Variants in VOPP1 observed in about 807,000 individuals in gnomAD.
VOPP1 encodes WW domain binding protein VOPP1.
Under a neutral mutation model 23.5 loss-of-function variants are expected in VOPP1, and 8 were observed. That is an observed-to-expected ratio of 0.34 (90% CI 0.20 to 0.61). The LOEUF (loss-of-function observed/expected upper bound fraction) is 0.61, where lower values mean the gene tolerates loss of function less well. Ranked by LOEUF, VOPP1 falls within the 20% of genes least tolerant of loss-of-function variation. The pLI is 0.78. For synonymous variants in VOPP1, 83 were observed against 97.3 expected, an observed-to-expected ratio of 0.85 and a Z score of 0.86; for missense variants, 174 against 238.1, an observed-to-expected ratio of 0.73 and a Z score of 1.77.
At chr7:55,456,015 CAACCTACAG>C (rs1188243368) in intron 4 of VOPP1, among the ~76,000 whole-genome samples, 1 of 152,104 alleles carries the variant, frequency 6.6e-6, no homozygotes, top group African/African-American at 2.4e-5. Flanking sequence ...AGTGAACAGG[CAACCTACAG>C]AACGGGAGAA....
chr7:55,474,083 A>T (rs973683103), intron 4 of VOPP1, among the ~76,000 whole-genome samples: 16 of 152,220 alleles, frequency 1.1e-4, no homozygotes, highest in Non-Finnish European at 2.4e-4. Flanking sequence ...CCAGGCCTGC[A>T]CTGTCTCTCA....
At chr7:55,466,486 G>A (rs960210043), downstream of VOPP1, among the ~76,000 whole-genome samples, 6 of 152,186 alleles carry the variant, frequency 3.9e-5, no homozygotes, top group African/African-American at 1.4e-4. Flanking sequence ...GAGCCACAAT[G>A]TGGGCAGAGG....
chr7:55,489,161 T>C (rs1793371309), intron 4 of VOPP1, among the ~76,000 whole-genome samples: 1 of 152,230 alleles, frequency 6.6e-6, no homozygotes, highest in African/African-American at 2.4e-5. Context: ...CTCAGCACTG[T>C]TAACAAATGA....
At chr7:55,485,839 C>T (rs1446762318) in intron 4 of VOPP1, among the ~76,000 whole-genome samples, 1 of 152,220 alleles carries the variant, frequency 6.6e-6, no homozygotes, top group Non-Finnish European at 1.5e-5. Flanking sequence ...CCTCATCCGC[C>T]CCTCGGAAGG....
At chr7:55,449,845 C>T (rs1791199760) in intron 4 of VOPP1, among the ~76,000 whole-genome samples, 1 of 152,192 alleles carries the variant, frequency 6.6e-6, no homozygotes, top group African/African-American at 2.4e-5. Flanking sequence ...CCCCTCAACA[C>T]GCCTACTTCT....
chr7:55,459,816 C>T (rs780825859), intron 4 of VOPP1, among the ~76,000 whole-genome samples: 17 of 151,612 alleles, frequency 1.1e-4, no homozygotes, highest in African/African-American at 2.4e-4. Context: ...TTTTAAAACA[C>T]GCACTTTTTG....
chr7:55,550,844 T>A (rs2129053612), intron 1 of VOPP1, among the ~76,000 whole-genome samples: 1 of 152,336 alleles, frequency 6.6e-6, no homozygotes, highest in Middle Eastern at 3.4e-3. Context: ...TTTTTCTACT[T>A]TCCAATTATT....
intron 4 of VOPP1, among the ~76,000 whole-genome samples, chr7:55,488,579 T>G (rs1029754192): frequency 1.3e-5 from 2 of 152,134 alleles, no homozygotes; most frequent in African/African-American, 4.8e-5. Context: ...GAAGCCTCTT[T>G]GCAATGCACA....
intron 1 of VOPP1, among the ~76,000 whole-genome samples, chr7:55,548,416 C>T (rs572354134): frequency 5.9e-4 from 90 of 152,346 alleles, no homozygotes; most frequent in East Asian, 1.4e-3. Flanking sequence ...TCTGCCCCTC[C>T]GGACTCGGGG....
chr7:55,566,313 C>T (rs56371800), intron 1 of VOPP1, among the ~76,000 whole-genome samples: 3,087 of 152,234 alleles, frequency 0.02, 110 homozygotes, highest in African/African-American at 0.07. Context: ...GAAAATTACA[C>T]TGTCCCCCCA....
chr7:55,489,389 C>T (rs1793392526), intron 4 of VOPP1, among the ~76,000 whole-genome samples: 1 of 152,310 alleles, frequency 6.6e-6, no homozygotes, highest in Non-Finnish European at 1.5e-5. Context: ...GAGCTGGGGG[C>T]TTACTTATTC....
intron 1 of VOPP1, among the ~76,000 whole-genome samples, chr7:55,523,733 A>T (rs1336753046): frequency 6.6e-6 from 1 of 152,202 alleles, no homozygotes; most frequent in East Asian, 1.9e-4. Flanking sequence ...AAGACCACCC[A>T]GTACATGGCC....
At chr7:55,480,847 C>T (rs896959234) in intron 4 of VOPP1, among the ~76,000 whole-genome samples, 1 of 152,194 alleles carries the variant, frequency 6.6e-6, no homozygotes, top group African/African-American at 2.4e-5. Flanking sequence ...GTTCTGGGCA[C>T]TGAGGATGTA....
chr7:55,442,113 G>A (rs1790979221), intron 4 of VOPP1, among the ~76,000 whole-genome samples: 1 of 152,144 alleles, frequency 6.6e-6, no homozygotes, highest in East Asian at 1.9e-4. Flanking sequence ...CAATTATCCT[G>A]TTTGGCCCTA....
chr7:55,457,533 C>G (rs1054480525), intron 4 of VOPP1, among the ~76,000 whole-genome samples: 36 of 152,040 alleles, frequency 2.4e-4, no homozygotes, highest in African/African-American at 8.2e-4. Flanking sequence ...TGAGAAACCT[C>G]TATACTGTTT....
chr7:55,547,541 C>T (rs1199676287), intron 1 of VOPP1, among the ~76,000 whole-genome samples: 2 of 152,192 alleles, frequency 1.3e-5, no homozygotes, highest in Non-Finnish European at 2.9e-5. Context: ...AGGAATACAC[C>T]TTTACAGAGA....
chr7:55,539,898 T>TGCAC (rs1379811006), intron 1 of VOPP1, among the ~76,000 whole-genome samples: 1 of 71,352 alleles, frequency 1.4e-5, no homozygotes, highest in East Asian at 4.7e-4. Context: ...ACATAAGCGC[T>TGCAC]GCACACACAC....
At position 55,538,648 on chromosome 7, in the gene VOPP1, C is replaced by T. The variant is rs557478360; in HGVS notation, c.55-17518G>A. ...ACAGAAGACAGATACCCAAGAGTTTCGCTGAGCATTGTGTGTAATGACAAA... is the reference window on the plus strand; with the variant it reads ...ACAGAAGACAGATACCCAAGAGTTTTGCTGAGCATTGTGTGTAATGACAAA... On this transcript the variant is annotated intron_variant, in intron 1 of 4. Transcript: ENST00000285279. 297 of 1,535,948 alleles carry T rather than the reference C, an allele frequency of 1.9e-4. 1 individual carries two copies. Among genetic ancestry groups the T allele is most frequent in the Non-Finnish European group, 2.4e-4 (271 of 1,146,880 alleles).
intron 1 of VOPP1, among the ~76,000 whole-genome samples, chr7:55,560,431 G>GAGAGAAGC (rs1197492085): frequency 6.6e-6 from 1 of 152,208 alleles, no homozygotes; most frequent in Non-Finnish European, 1.5e-5. Flanking sequence ...GTGACAGAGA[G>GAGAGAAGC]AGAGAAGCAT....
Sources: gnomAD v4.1 joint callset for allele counts (sites outside exome capture counted in the v4.1 genomes callset) on GRCh38, gnomAD v4.1.1 for gene constraint, MANE v1.5 for transcripts, NCBI Gene and HGNC (gene_info 2026-07-23, HGNC 2026-07-21) for gene names.